Variants in HNRNPC observed in about 807,000 individuals in gnomAD.
HNRNPC encodes heterogeneous nuclear ribonucleoproteins C1/C2.
In HNRNPC, 3 loss-of-function variants were observed where a neutral mutation model predicts 33.2. The ratio of observed to expected loss-of-function variants is 0.09; its 90% CI spans 0.04 to 0.23. The LOEUF (loss-of-function observed/expected upper bound fraction) is 0.23. Ranked by LOEUF, HNRNPC falls within the 10% of genes least tolerant of loss-of-function variation. The pLI, the probability that HNRNPC is intolerant of heterozygous loss-of-function variation, is 1.00. For synonymous variants in HNRNPC, 121 were observed against 126.7 expected (o/e 0.96, Z 0.30); for missense variants, 143 against 366.7 (o/e 0.39, Z 4.98).
intron 2 of HNRNPC, among the ~76,000 whole-genome samples, chr14:21,252,070 A>G (rs1420360468): frequency 6.6e-6 from 1 of 152,236 alleles, no homozygotes; most frequent in Non-Finnish European, 1.5e-5. Flanking sequence ...TGAGAATAGT[A>G]AAAGGTTTGA....
intron 6 of HNRNPC, chr14:21,212,126 T>C (rs1891674768): frequency 5.9e-6 from 3 of 512,410 alleles, no homozygotes; most frequent in Admixed American, 6.4e-5. Context: ...TAATGTCTTT[T>C]AGATCAGGGC....
chr14:21,264,316 C>T (rs1878636714), intron 1 of HNRNPC: 1 of 152,062 alleles, frequency 6.6e-6, no homozygotes. Context: ...ATTCTCAAAA[C>T]CAGTGAGTGA....
chr14:21,210,637 CACAGTATCAACTTTAGAAA>C lies in HNRNPC; in HGVS notation c.*567_*585del. On this transcript the variant is annotated 3_prime_UTR_variant, in exon 9 of 9. Transcript: ENST00000553300. Reference sequence around the variant, plus strand: ...CATCAGGCTGTTCACAAAAATAACCCACAGTATCAACTTTAGAAAACAAATCTTAAGACTATAACACTAA... The same window carrying C: ...CATCAGGCTGTTCACAAAAATAACCCACAAATCTTAAGACTATAACACTAA... The C allele has an allele frequency of 6.6e-6, 1 of 152,130 alleles. No individual in the cohort carries two copies. The highest frequency in any genetic ancestry group is 1.9e-4 in the East Asian group (1 of 5,184). 9.4% of individuals were successfully genotyped at this position (152,130 alleles called of 1,614,324 possible).
At chr14:21,260,926 G>A (rs1025156420) in intron 2 of HNRNPC, among the ~76,000 whole-genome samples, 6 of 144,090 alleles carry the variant, frequency 4.2e-5, no homozygotes, top group Admixed American at 3.6e-4. Context: ...TGGCACCACT[G>A]CACTCCAGCC....
chr14:21,236,137 C>T (rs577544644), intron 2 of HNRNPC, among the ~76,000 whole-genome samples: 1 of 152,224 alleles, frequency 6.6e-6, no homozygotes, highest in Non-Finnish European at 1.5e-5. Flanking sequence ...CGGCATTTTT[C>T]ATGTGTATCA....
chr14:21,261,644 C>T (rs1317924770), intron 2 of HNRNPC, among the ~76,000 whole-genome samples: 1 of 152,112 alleles, frequency 6.6e-6, no homozygotes, highest in Non-Finnish European at 1.5e-5. Flanking sequence ...CCTGTAATGT[C>T]AACACTTTGG....
At chr14:21,251,549 G>A (rs1896676603) in intron 2 of HNRNPC, among the ~76,000 whole-genome samples, 1 of 152,046 alleles carries the variant, frequency 6.6e-6, no homozygotes, top group East Asian at 1.9e-4. Context: ...CGTGGTAGTG[G>A]TGGGTGCCTG....
At position 21,240,169 on chromosome 14, in the gene HNRNPC, G is replaced by A. The variant is rs576310156; in HGVS notation, c.-36-5940C>T. Reference sequence around the variant, plus strand: ...AGCGATACAAGATTTTAATAGTAGTGGGAAGGACAAGAAATTTCCTGAATA... The same window carrying A: ...AGCGATACAAGATTTTAATAGTAGTAGGAAGGACAAGAAATTTCCTGAATA... On this transcript the variant is annotated intron_variant, in intron 2 of 8. Transcript: ENST00000553300. Among the ~76,000 whole-genome samples the A allele has an allele frequency of 3.1e-3, 468 of 152,178 alleles. 4 individuals carry two copies. The highest frequency in any genetic ancestry group is 8.9e-3 in the African/African-American group (371 of 41,522).
chr14:21,231,259 G>C, intron 3 of HNRNPC, 187 bp from the exon 4 acceptor site: 2 of 683,676 alleles, frequency 2.9e-6, no homozygotes, highest in South Asian at 1.5e-5. Context: ...TCAGCCTCGA[G>C]AGTAACTGTC....
chr14:21,210,299 A>G lies in HNRNPC; in HGVS notation c.*924T>C, dbSNP rs940155828. 2 of 152,188 alleles carry G rather than the reference A, an allele frequency of 1.3e-5. No individual in the cohort carries two copies. Among genetic ancestry groups the G allele is most frequent in the African/African-American group, 2.4e-5 (1 of 41,440 alleles). The allele number at this position is 152,188 out of a possible 1,614,324, so 9.4% of individuals were successfully genotyped here. The stretch of plus-strand genomic sequence containing the variant: ...AAGCACTGATGAAAAGGCAGAGAGG[A>G]TATACTTCCCAAACTTTCATTAGGA... On this transcript the variant is annotated 3_prime_UTR_variant, in exon 9 of 9. Coordinates refer to ENST00000553300, the MANE Select transcript of HNRNPC (RefSeq NM_004500.4).
chr14:21,220,039 C>T (rs1462754469), intron 5 of HNRNPC, among the ~76,000 whole-genome samples: 1 of 152,222 alleles, frequency 6.6e-6, no homozygotes, highest in Non-Finnish European at 1.5e-5. Flanking sequence ...CCAAAAATCA[C>T]TGCTTCTCTG....
chr14:21,226,138 T>C (rs567285770), intron 5 of HNRNPC, among the ~76,000 whole-genome samples: 202 of 151,854 alleles, frequency 1.3e-3, no homozygotes, highest in Non-Finnish European at 2.2e-3. Context: ...CTGGCCAACA[T>C]ACTGAAACCC....
chr14:21,256,920 C>G (rs1284623401), intron 2 of HNRNPC, among the ~76,000 whole-genome samples: 2 of 152,144 alleles, frequency 1.3e-5, no homozygotes, highest in African/African-American at 4.8e-5. Context: ...TCCCAAAGTG[C>G]TGGGATTACA....
At chr14:21,227,559 G>A (rs1051896144) in intron 5 of HNRNPC, among the ~76,000 whole-genome samples, 3 of 152,100 alleles carry the variant, frequency 2.0e-5, no homozygotes, top group African/African-American at 4.8e-5. Flanking sequence ...TGTCAAAAAC[G>A]GAATTACTTT....
chr14:21,229,086 A>T (rs529370098), intron 5 of HNRNPC, among the ~76,000 whole-genome samples: 1,272 of 108,028 alleles, frequency 0.012, 15 homozygotes, highest in African/African-American at 0.033. Context: ...TTCCGTATTT[A>T]AAAAAAAAAA....
intron 2 of HNRNPC, among the ~76,000 whole-genome samples, chr14:21,258,366 G>A (rs948126455): frequency 6.6e-6 from 1 of 151,554 alleles, no homozygotes; most frequent in Non-Finnish European, 1.5e-5. Flanking sequence ...ACTCCAGCCT[G>A]GTGACAGAGC....
At position 21,236,424 on chromosome 14, in the gene HNRNPC, C is replaced by A. The variant is rs190518542; in HGVS notation, c.-36-2195G>T. On this transcript the variant is annotated intron_variant, in intron 2 of 8. Transcript: ENST00000553300. ...GCAACAGTAAAGACAGACGTACTCACAATACGGATTAATTCCACTCTTAGT... is the reference window on the plus strand; with the variant it reads ...GCAACAGTAAAGACAGACGTACTCAAAATACGGATTAATTCCACTCTTAGT... The A allele has an allele frequency of 4.6e-5, 7 of 152,286 alleles. No homozygotes were observed. The East Asian group carries it at 1.3e-3, about 29-fold the overall frequency. The allele number at this position is 152,286 out of a possible 1,614,324, so 9.4% of individuals were successfully genotyped here. A position where few individuals can be genotyped will look rare whatever the true frequency, so the allele number is the denominator to read the frequency against.
chr14:21,252,737 T>C (rs1349232550), intron 2 of HNRNPC, among the ~76,000 whole-genome samples: 1 of 152,144 alleles, frequency 6.6e-6, no homozygotes, highest in Non-Finnish European at 1.5e-5. Context: ...TATCAAGAAT[T>C]TGCTTCAAAA....
At chr14:21,226,895 A>AGG (rs71313496) in intron 5 of HNRNPC, among the ~76,000 whole-genome samples, 3 of 106,656 alleles carry the variant, frequency 2.8e-5, no homozygotes, top group Admixed American at 2.2e-4. Context: ...AAAAAAAAAA[A>AGG]GGGGGGGGGG....
Sources: allele counts gnomAD v4.1 joint callset (sites outside exome capture counted in the v4.1 genomes callset), GRCh38; gene constraint gnomAD v4.1.1; transcripts MANE v1.5; gene names NCBI Gene and HGNC (gene_info 2026-07-23, HGNC 2026-07-21).